Variants in ZNF761 observed in about 807,000 individuals in gnomAD.
The protein encoded by ZNF761 is zinc finger protein 761.
ZNF761 carries 43 observed loss-of-function variants against 59.9 expected under a neutral mutation model. That is an observed-to-expected ratio of 0.72 (90% CI 0.56 to 0.92). The LOEUF (loss-of-function observed/expected upper bound fraction) is 0.92, where lower values mean the gene tolerates loss of function less well. ZNF761 is among the 40% of genes least tolerant of loss of function. The pLI is 0.00. For synonymous variants in ZNF761, 294 were observed against 304.8 expected (o/e 0.96, Z 0.37); for missense variants, 850 against 906.1 (o/e 0.94, Z 0.79).
rs2086198583 is a variant in ZNF761, at chr19:53,449,642, A to T, written c.142+4A>T. On this transcript the variant is annotated splice_donor_region_variant and intron_variant, in intron 4 of 4. Transcript: ENST00000684525. The stretch of plus-strand genomic sequence containing the variant: ...TATAGGAACCTGGTCTCCCTGGGTG[A>T]GGATAACTTCCCTCCAGAAGTGGGA... 3 of 1,603,512 alleles carry T rather than the reference A, an allele frequency of 1.9e-6. No individual in the cohort carries two copies. The South Asian group carries it at 3.3e-5, about 18-fold the overall frequency.
At position 53,455,059 on chromosome 19, in the gene ZNF761, C is replaced by G. The variant is rs748290975; in HGVS notation, c.552C>G (p.Pro184=). Residue 184 remains proline, a synonymous_variant, in exon 5 of 5, where the codon CCC becomes CCG. Transcript: ENST00000684525. ...CAGCCCAAAGAATTTCTTGTAGGCC[C>G]AAAACCCATATATCTAATAACCATG... ...VSTAQRISCR[P]KTHISNNHGN... 6.2e-7 allele frequency: 1 copy of G among 1,614,106 alleles called. No individual in the cohort carries two copies. The highest frequency in any genetic ancestry group is 1.1e-5 in the South Asian group (1 of 91,074).
chr19:53,449,427 A>G (rs368302708), intron 3 of ZNF761, 85 bp from the exon 4 acceptor site: 9 of 1,599,202 alleles, frequency 5.6e-6, no homozygotes, highest in Middle Eastern at 1.7e-4. Context: ...ATTTAAATCC[A>G]TGCCTTCACC....
chr19:53,455,579 G>A lies in ZNF761; in HGVS notation c.1072G>A (p.Glu358Lys). Residue 358 changes from glutamate to lysine, a missense_variant, in exon 5 of 5, where the codon GAG (glutamate) becomes AAG (lysine). Glu to Lys is a moderately conservative substitution (Grantham distance 56, BLOSUM62 1). Transcript: ENST00000684525. ...HTGEKPYKCN[E>K]CGKTFSHKSS... ...TGGAGAGAAACCTTACAAGTGTAATGAGTGTGGCAAGACCTTTAGTCACAA... is the reference window on the plus strand; with the variant it reads ...TGGAGAGAAACCTTACAAGTGTAATAAGTGTGGCAAGACCTTTAGTCACAA... 6.2e-7 allele frequency: 1 copy of A among 1,614,110 alleles called. No individual in the cohort carries two copies. The highest frequency in any genetic ancestry group is 8.5e-7 in the Non-Finnish European group (1 of 1,179,998).
At chr19:53,439,672 G>A (rs1271524656) in intron 1 of ZNF761, among the ~76,000 whole-genome samples, 1 of 152,168 alleles carries the variant, frequency 6.6e-6, no homozygotes, top group African/African-American at 2.4e-5. Context: ...GATAGTTACT[G>A]TGGCCTGGTT....
At chr19:53,432,742 G>A (rs568142888) in intron 1 of ZNF761, among the ~76,000 whole-genome samples, 4 of 152,210 alleles carry the variant, frequency 2.6e-5, no homozygotes, top group African/African-American at 9.6e-5. Flanking sequence ...TATAACAGAT[G>A]GCAAAGTAGA....
chr19:53,451,422 A>G (rs1379819508), intron 4 of ZNF761, among the ~76,000 whole-genome samples: 1 of 152,078 alleles, frequency 6.6e-6, no homozygotes, highest in Admixed American at 6.5e-5. Flanking sequence ...TTGGTTAGGC[A>G]GGTCAGAAAC....
At chr19:53,433,879 C>T (rs34829793) in intron 1 of ZNF761, among the ~76,000 whole-genome samples, 8,398 of 152,172 alleles carry the variant, frequency 0.055, 284 homozygotes, top group South Asian at 0.13. Context: ...TGTCTAAGTC[C>T]GGACTGGAAC....
rs2147142666 is a variant in ZNF761, at chr19:53,454,641, G to A, written c.143-9G>A. On this transcript the variant is annotated splice_polypyrimidine_tract_variant and intron_variant, in intron 4 of 4. Coordinates refer to ENST00000684525, the MANE Select transcript of ZNF761 (RefSeq NM_001289951.2). ...TAATTTGAAAGCTTTCGGTGTTTAT[G>A]TTTTGTAGATATCTCTTCCAAATGC... 1 of 1,575,960 alleles carries A rather than the reference G, an allele frequency of 6.3e-7. No homozygotes were observed.
intron 4 of ZNF761, among the ~76,000 whole-genome samples, chr19:53,454,414 T>G (rs2086245603): frequency 6.6e-6 from 1 of 152,242 alleles, no homozygotes; most frequent in African/African-American, 2.4e-5. Flanking sequence ...TACACATGTT[T>G]GTGCCCTGTC....
Position 53,456,343 on chromosome 19 carries a change from C to G in ZNF761, c.1836C>G (p.Gly612=). 6 of 1,611,236 alleles carry G rather than the reference C, an allele frequency of 3.7e-6. No individual in the cohort carries two copies. Among genetic ancestry groups the G allele is most frequent in the Non-Finnish European group, 5.1e-6 (6 of 1,178,000 alleles). The change falls in exon 5 of 5, where the codon GGC becomes GGG. Residue 612 remains glycine (G), a synonymous_variant. Transcript: ENST00000684525. The stretch of plus-strand genomic sequence containing the variant: ...ATCCTTACAAGTGTAATGAGTGTGG[C>G]AAGACCTTCAGTCGGACGTCATCCC... ...EENPYKCNEC[G]KTFSRTSSLT...
intron 1 of ZNF761, among the ~76,000 whole-genome samples, chr19:53,435,746 AG>A (rs2086035187): frequency 6.6e-6 from 1 of 151,968 alleles, no homozygotes; most frequent in African/African-American, 2.4e-5. Context: ...ACCATGGTTA[AG>A]GGGGGTGACA....
At chr19:53,445,526 G>A (rs2086147629) in intron 1 of ZNF761, among the ~76,000 whole-genome samples, 1 of 152,008 alleles carries the variant, frequency 6.6e-6, no homozygotes, top group Non-Finnish European at 1.5e-5. Context: ...CCTGCAACTT[G>A]GAGATGAGGG....
chr19:53,455,909 T>C lies in ZNF761; in HGVS notation c.1402T>C (p.Cys468Arg), dbSNP rs776717690. ...TCATACTGGAGAGCAACCTTACAAA[T>C]GTGAAGAATGTGACAAAGCTTTCCG... is the stretch of plus-strand genomic sequence containing the variant. ...RRHTGEQPYKCEECDKAFRFK... is the reference protein window; with the variant it reads ...RRHTGEQPYKREECDKAFRFK... The change falls in exon 5 of 5, where the codon TGT becomes CGT. Residue 468 changes from cysteine (C) to arginine (R), a missense_variant. By Grantham distance (180) the Cys-to-Arg change is radical. Transcript: ENST00000684525. The C allele has an allele frequency of 6.2e-7, 1 of 1,613,778 alleles. No individual in the cohort carries two copies. The highest frequency in any genetic ancestry group is 1.3e-5 in the African/African-American group (1 of 74,856).
At chr19:53,446,993 C>A (rs1468663082) in intron 2 of ZNF761, among the ~76,000 whole-genome samples, 1 of 152,108 alleles carries the variant, frequency 6.6e-6, no homozygotes. Context: ...CCATTCCAGC[C>A]CAGCTCCCAC....
At chr19:53,447,749 A>G (rs2086176429) in intron 3 of ZNF761, among the ~76,000 whole-genome samples, 1 of 152,160 alleles carries the variant, frequency 6.6e-6, no homozygotes, top group Non-Finnish European at 1.5e-5. Flanking sequence ...TAGTTTTTTG[A>G]GTGAGTTACT....
At chr19:53,452,931 A>G (rs1195534552) in intron 4 of ZNF761, among the ~76,000 whole-genome samples, 3 of 152,044 alleles carry the variant, frequency 2.0e-5, no homozygotes, top group Non-Finnish European at 4.4e-5. Flanking sequence ...CATATTTTTT[A>G]TGTTTTTATT....
At chr19:53,436,303 C>T (rs1354752583) in intron 1 of ZNF761, among the ~76,000 whole-genome samples, 6 of 152,194 alleles carry the variant, frequency 3.9e-5, no homozygotes, top group African/African-American at 1.4e-4. Context: ...TGTACTTGAT[C>T]TGTCAGACTT....
At position 53,454,690 on chromosome 19, in the gene ZNF761, A is replaced by G. The variant is rs768097146; in HGVS notation, c.183A>G (p.Thr61=). The part of the protein sequence containing the change: ...SKCTMKEFLS[T]AQGNREVFHA... ...GCACGATGAAGGAGTTCTTGTCAAC[A>G]GCGCAAGGCAACAGAGAAGTGTTCC... Residue 61 remains threonine, a synonymous_variant, in exon 5 of 5, where the codon ACA becomes ACG. Coordinates refer to ENST00000684525, the MANE Select transcript of ZNF761 (RefSeq NM_001289951.2). 23 of 1,606,822 alleles carry G rather than the reference A, an allele frequency of 1.4e-5. No homozygotes were observed. Among genetic ancestry groups the G allele is most frequent in the Non-Finnish European group, 1.8e-5 (21 of 1,176,010 alleles).
chr19:53,432,630 G>A (rs541996817), intron 1 of ZNF761, among the ~76,000 whole-genome samples: 2 of 152,262 alleles, frequency 1.3e-5, no homozygotes, highest in Admixed American at 6.5e-5. Context: ...GGATGCAGGC[G>A]TCTTACTCCA....
Sources: gnomAD v4.1 joint callset for allele counts (sites outside exome capture counted in the v4.1 genomes callset) on GRCh38, gnomAD v4.1.1 for gene constraint, MANE v1.5 for transcripts, NCBI Gene and HGNC (gene_info 2026-07-23, HGNC 2026-07-21) for gene names.